Variants in GUCY1A1 observed in about 807,000 individuals in gnomAD.
GUCY1A1 encodes guanylate cyclase soluble subunit alpha-1.
A neutral mutation model predicts 64.5 loss-of-function variants in GUCY1A1; 48 were observed. The observed-to-expected ratio is 0.74, with a 90% CI of 0.59 to 0.95. The LOEUF (loss-of-function observed/expected upper bound fraction) is 0.95, where lower values mean the gene tolerates loss of function less well. Among genes scored for constraint, GUCY1A1 ranks in the 40% least tolerant of loss-of-function variants. The pLI is 0.00. For missense variants in GUCY1A1, 804 were observed against 825.3 expected (o/e 0.97, Z 0.32); for synonymous variants, 308 against 303.4 (o/e 1.02, Z -0.16).
chr4:155,684,550 G>A (rs2126638938), intron 2 of GUCY1A1, among the ~76,000 whole-genome samples: 1 of 152,262 alleles, frequency 6.6e-6, no homozygotes, highest in African/African-American at 2.4e-5. Context: ...TAATACCTTA[G>A]TAGCCTGGTC....
rs1428981683 is a variant in GUCY1A1, at chr4:155,732,746, A to G, written c.*2515A>G. Among the ~76,000 whole-genome samples, 1 of 151,882 alleles carries G rather than the reference A, an allele frequency of 6.6e-6. No individual in the cohort carries two copies. Among genetic ancestry groups the G allele is most frequent in the Non-Finnish European group, 1.5e-5 (1 of 67,882 alleles). On this transcript the variant is annotated 3_prime_UTR_variant, in exon 10 of 10. Transcript: ENST00000506455. ...AGTTATGTTGCCATTTAACTATTCT[A>G]AAAAATAAGACTGGGTCTCAAGACT...
At chr4:155,690,865 C>T (rs1425870788) in intron 2 of GUCY1A1, among the ~76,000 whole-genome samples, 1 of 152,146 alleles carries the variant, frequency 6.6e-6, no homozygotes, top group Non-Finnish European at 1.5e-5. Flanking sequence ...ATCACTCTGA[C>T]CTTGTGTCTA....
intron 2 of GUCY1A1, among the ~76,000 whole-genome samples, chr4:155,685,782 A>T (rs1728922461): frequency 2.0e-5 from 3 of 152,002 alleles, no homozygotes; most frequent in Non-Finnish European, 4.4e-5. Flanking sequence ...GCTTGGAAAA[A>T]TTTCCAAAGG....
intron 3 of GUCY1A1, among the ~76,000 whole-genome samples, chr4:155,698,545 C>G (rs1156560372): frequency 6.6e-6 from 1 of 152,154 alleles, no homozygotes; most frequent in East Asian, 1.9e-4. Flanking sequence ...CCTGTCCTTA[C>G]TATGTTGGCT....
At chr4:155,702,678 C>A (rs776068186) in intron 3 of GUCY1A1, among the ~76,000 whole-genome samples, 7 of 152,000 alleles carry the variant, frequency 4.6e-5, no homozygotes, top group Admixed American at 3.9e-4. Context: ...AATTTAAATT[C>A]TCTTTAATTT....
chr4:155,671,816 T>C (rs1734179873), intron 2 of GUCY1A1, among the ~76,000 whole-genome samples: 1 of 152,182 alleles, frequency 6.6e-6, no homozygotes, highest in Non-Finnish European at 1.5e-5. Flanking sequence ...TAAGATAATA[T>C]TCAGTTTCTT....
intron 4 of GUCY1A1, among the ~76,000 whole-genome samples, chr4:155,707,340 C>T (rs914501887): frequency 6.6e-6 from 1 of 152,226 alleles, no homozygotes; most frequent in Non-Finnish European, 1.5e-5. Flanking sequence ...TACTGAATAG[C>T]TTAGCCTTGC....
chr4:155,720,010 G>C (rs1309006550), intron 8 of GUCY1A1, among the ~76,000 whole-genome samples: 1 of 152,106 alleles, frequency 6.6e-6, no homozygotes, highest in Non-Finnish European at 1.5e-5. Context: ...TTTAAATCTT[G>C]CTGATGAATT....
rs777102892 is a variant in GUCY1A1 at position 155,697,078 on chromosome 4, C to A, written c.211C>A (p.Leu71Ile). 6 of 1,613,232 alleles carry A rather than the reference C, an allele frequency of 3.7e-6. No homozygotes were observed. In the Admixed American group the frequency reaches 6.7e-5, roughly 18 times the overall value. The change falls in exon 3 of 10, where the codon CTT (leucine) becomes ATT (isoleucine). Residue 71 changes from leucine to isoleucine, a missense_variant. Transcript: ENST00000506455. ...QRKTSRSRVYLHTLAESICKL... is the reference protein window; with the variant it reads ...QRKTSRSRVYIHTLAESICKL... ...AAAAACCAGTCGGAGCCGAGTCTATCTTCACACTTTGGCAGAGAGTATTTG... is the reference window on the plus strand; with the variant it reads ...AAAAACCAGTCGGAGCCGAGTCTATATTCACACTTTGGCAGAGAGTATTTG...
chr4:155,681,638 T>C (rs1735789783), intron 2 of GUCY1A1, among the ~76,000 whole-genome samples: 1 of 152,224 alleles, frequency 6.6e-6, no homozygotes, highest in South Asian at 2.1e-4. Context: ...CTCTTTCATA[T>C]TCATTCTCAT....
chr4:155,715,761 G>T (rs1016333602), intron 7 of GUCY1A1, among the ~76,000 whole-genome samples: 1 of 152,116 alleles, frequency 6.6e-6, no homozygotes, highest in Non-Finnish European at 1.5e-5. Context: ...TTGCCACCTG[G>T]TTCATTCATT....
chr4:155,687,724 G>A (rs1004111917), intron 2 of GUCY1A1, among the ~76,000 whole-genome samples: 9 of 152,050 alleles, frequency 5.9e-5, no homozygotes, highest in African/African-American at 1.9e-4. Context: ...CACTAATGTC[G>A]CAGAGTTAGC....
At chr4:155,693,767 C>T (rs954316977) in intron 2 of GUCY1A1, among the ~76,000 whole-genome samples, 3 of 152,002 alleles carry the variant, frequency 2.0e-5, no homozygotes, top group African/African-American at 4.8e-5. Context: ...ATTATAGTAC[C>T]GTGCAGTACA....
intron 2 of GUCY1A1, among the ~76,000 whole-genome samples, chr4:155,673,045 T>C (rs1444501964): frequency 3.3e-5 from 5 of 151,960 alleles, no homozygotes; most frequent in Admixed American, 3.3e-4. Context: ...GTTCATGTAC[T>C]GTGATTTGAA....
chr4:155,683,442 T>TA, intron 2 of GUCY1A1, among the ~76,000 whole-genome samples: 1 of 152,364 alleles, frequency 6.6e-6, no homozygotes. Context: ...TCAGAGCCAG[T>TA]AGTTCTTTCA....
rs771252809 is a variant in GUCY1A1 at position 155,717,308 on chromosome 4, G to A, written c.1716+6G>A. On this transcript the variant is annotated splice_donor_region_variant and intron_variant, in intron 8 of 9. Transcript: ENST00000506455. ...CCCATGGAGAACCTATCAAGGTAAG[G>A]CAGATGATATATTGTCCAAAAGATG... 2 of 1,557,062 alleles carry A rather than the reference G, an allele frequency of 1.3e-6. No homozygotes were observed. Among genetic ancestry groups the A allele is most frequent in the South Asian group, 1.2e-5 (1 of 81,710 alleles).
chr4:155,683,286 G>T (rs920087457), intron 2 of GUCY1A1, among the ~76,000 whole-genome samples: 1 of 152,108 alleles, frequency 6.6e-6, no homozygotes, highest in African/African-American at 2.4e-5. Flanking sequence ...AAAATGGCTT[G>T]TCAAATTGTG....
At chr4:155,718,025 A>G (rs1206687660) in intron 8 of GUCY1A1, among the ~76,000 whole-genome samples, 1 of 152,186 alleles carries the variant, frequency 6.6e-6, no homozygotes, top group Non-Finnish European at 1.5e-5. Flanking sequence ...AAGGCACGTG[A>G]CATTTCAAAA....
intron 9 of GUCY1A1, chr4:155,722,499 C>A: frequency 1.9e-6 from 2 of 1,062,578 alleles, no homozygotes; most frequent in Non-Finnish European, 2.3e-6. Flanking sequence ...GTTCTGACAT[C>A]AACTAGTACA....
Sources: allele counts gnomAD v4.1 joint callset (sites outside exome capture counted in the v4.1 genomes callset), GRCh38; gene constraint gnomAD v4.1.1; transcripts MANE v1.5; gene names NCBI Gene and HGNC (gene_info 2026-07-23, HGNC 2026-07-21).